The following TNFRSF19 variants were observed in gnomAD, a reference collection of about 807,000 sequenced individuals.
The protein encoded by TNFRSF19 is tumor necrosis factor receptor superfamily member 19.
Under a neutral mutation model 46.4 loss-of-function variants are expected in TNFRSF19, and 27 were observed. The ratio of observed to expected loss-of-function variants is 0.58; its 90% CI spans 0.43 to 0.80. The LOEUF (loss-of-function observed/expected upper bound fraction) is 0.80. TNFRSF19 is among the 30% of genes least tolerant of loss of function. The pLI is 0.00. For missense variants in TNFRSF19, 511 were observed against 530.8 expected (o/e 0.96, Z 0.37); for synonymous variants, 204 against 205.0 (o/e 1.00, Z 0.04).
chr13:23,626,716 G>C lies in TNFRSF19; in HGVS notation c.369G>C (p.Arg123Ser). Residue 123 changes from arginine to serine, a missense_variant, in exon 5 of 10, where the codon AGG becomes AGC. Coordinates refer to ENST00000248484, the MANE Select transcript of TNFRSF19 (RefSeq NM_148957.4). ...ICGDCLPGFY[R>S]KTKLVGFQDM... is the part of the protein sequence containing the mutation. ...TTCCTTTCTCTTCTAGATTTTATAG[G>C]AAGACGAAACTTGTCGGCTTTCAAG... The C allele has an allele frequency of 1.2e-6, 2 of 1,613,990 alleles. No homozygotes were observed. Among genetic ancestry groups the C allele is most frequent in the East Asian group, 4.5e-5 (2 of 44,900 alleles).
chr13:23,621,104 C>CAATTG, intron 4 of TNFRSF19, among the ~76,000 whole-genome samples: 1 of 152,122 alleles, frequency 6.6e-6, no homozygotes, highest in South Asian at 2.1e-4. Flanking sequence ...TGATGGGAAT[C>CAATTG]ACAGGGACTG....
At chr13:23,652,050 T>C (rs1207980006) in intron 5 of TNFRSF19, among the ~76,000 whole-genome samples, 2 of 152,166 alleles carry the variant, frequency 1.3e-5, no homozygotes, top group South Asian at 4.1e-4. Context: ...CACAGGGTTA[T>C]TACAGCGCCC....
chr13:23,600,613 C>T (rs1218741071), intron 3 of TNFRSF19, among the ~76,000 whole-genome samples: 1 of 152,160 alleles, frequency 6.6e-6, no homozygotes, highest in Admixed American at 6.5e-5. Context: ...TTTTTCTTAA[C>T]AAGGACTGCC....
rs528827186 is a variant in TNFRSF19, at chr13:23,674,154, A to C, written c.*774A>C. 6.6e-6 allele frequency: 1 copy of C among 152,354 alleles called. No homozygotes were observed. The highest frequency in any genetic ancestry group is 1.9e-4 in the East Asian group (1 of 5,194). The allele number at this position is 152,354 out of a possible 1,614,324, so 9.4% of individuals were successfully genotyped here. A position where few individuals can be genotyped will look rare whatever the true frequency, so the allele number is the denominator to read the frequency against. On this transcript the variant is annotated 3_prime_UTR_variant, in exon 10 of 10. Transcript: ENST00000248484. ...ACACATATTGTAGAGACTTGTATGCAAAGGTTGGCATATTTATATGAAAAT... is the reference window on the plus strand; with the variant it reads ...ACACATATTGTAGAGACTTGTATGCCAAGGTTGGCATATTTATATGAAAAT...
At chr13:23,578,988 T>C (rs1196909083) in intron 1 of TNFRSF19, among the ~76,000 whole-genome samples, 1 of 152,234 alleles carries the variant, frequency 6.6e-6, no homozygotes, top group Non-Finnish European at 1.5e-5. Context: ...AGCGCAGACC[T>C]GGCCGCCGTA....
chr13:23,589,709 A>AG (rs1434086122), intron 1 of TNFRSF19, among the ~76,000 whole-genome samples: 1 of 152,242 alleles, frequency 6.6e-6, no homozygotes, highest in Non-Finnish European at 1.5e-5. Flanking sequence ...GGATTAAGTG[A>AG]GTTAGCATGC....
intron 5 of TNFRSF19, among the ~76,000 whole-genome samples, chr13:23,640,411 T>C (rs1051944455): frequency 1.2e-4 from 19 of 152,338 alleles, no homozygotes; most frequent in African/African-American, 4.3e-4. Context: ...AAGTAAGTGC[T>C]ACTACAGCCT....
chr13:23,580,454 C>T (rs1878331771), intron 1 of TNFRSF19, among the ~76,000 whole-genome samples: 1 of 152,152 alleles, frequency 6.6e-6, no homozygotes, highest in South Asian at 2.1e-4. Context: ...TTAAACATAC[C>T]TCATGCAAAC....
chr13:23,636,565 A>G (rs558635919), intron 5 of TNFRSF19, among the ~76,000 whole-genome samples: 1 of 152,250 alleles, frequency 6.6e-6, no homozygotes, highest in South Asian at 2.1e-4. Flanking sequence ...GTTCTCAGGG[A>G]GTTAAGATTC....
chr13:23,579,128 G>A lies in TNFRSF19; in HGVS notation c.-35+8280G>A, dbSNP rs891314244. ...CACAGCCATGTTCTTGGTGGTCTCC[G>A]GTCCCCCATCCCCAAGCCCCCAGTC... is the stretch of plus-strand genomic sequence containing the variant. On this transcript the variant is annotated intron_variant, in intron 1 of 9. Transcript: ENST00000248484. Among the ~76,000 whole-genome samples the A allele has an allele frequency of 5.3e-5, 8 of 152,228 alleles. No homozygotes were observed. The East Asian group carries it at 1.2e-3, about 22-fold the overall frequency.
intron 4 of TNFRSF19, among the ~76,000 whole-genome samples, chr13:23,624,721 A>C (rs1441410359): frequency 6.6e-6 from 1 of 152,098 alleles, no homozygotes; most frequent in Non-Finnish European, 1.5e-5. Context: ...ATATACTCCC[A>C]AAATTTTTTC....
At chr13:23,595,715 A>G (rs950301097) in intron 3 of TNFRSF19, among the ~76,000 whole-genome samples, 1 of 152,190 alleles carries the variant, frequency 6.6e-6, no homozygotes, top group African/African-American at 2.4e-5. Context: ...AACTTTCCCA[A>G]CCTAGCAAGA....
intron 3 of TNFRSF19, among the ~76,000 whole-genome samples, chr13:23,595,807 T>C (rs1159882742): frequency 1.3e-5 from 2 of 151,978 alleles, no homozygotes; most frequent in East Asian, 3.9e-4. Flanking sequence ...ACACATAATC[T>C]TCAGATTCAC....
chr13:23,633,894 A>G (rs936942464), intron 5 of TNFRSF19, among the ~76,000 whole-genome samples: 7 of 152,150 alleles, frequency 4.6e-5, no homozygotes, highest in African/African-American at 1.7e-4. Context: ...AAAACAAGAA[A>G]CAATAGCTGA....
intron 5 of TNFRSF19, among the ~76,000 whole-genome samples, chr13:23,640,343 T>C (rs965676964): frequency 2.6e-5 from 4 of 152,234 alleles, no homozygotes; most frequent in Non-Finnish European, 4.4e-5. Context: ...GCTGTGTTGA[T>C]GAGAATCATT....
In TNFRSF19 at chr13:23,602,756, A is replaced by ATAACACATGG. The variant is rs1593247295; in HGVS notation, c.180+9302_180+9311dup. Among the ~76,000 whole-genome samples the ATAACACATGG allele has an allele frequency of 2.6e-5, 4 of 152,262 alleles. No homozygotes were observed. The East Asian group carries it at 7.7e-4, about 29-fold the overall frequency. On this transcript the variant is annotated intron_variant, in intron 3 of 9. Transcript: ENST00000248484. ...TTGGAGATTAAGAACACACTTCTAA[A>ATAACACATGG]TAACACATGGGTCAAAGAGGATATT...
chr13:23,630,457 C>T (rs936727855), intron 5 of TNFRSF19, among the ~76,000 whole-genome samples: 1 of 152,108 alleles, frequency 6.6e-6, no homozygotes, highest in Non-Finnish European at 1.5e-5. Context: ...GAGCTGTATG[C>T]CCCGCCTCCC....
chr13:23,622,901 G>T (rs1881763104), intron 4 of TNFRSF19, among the ~76,000 whole-genome samples: 1 of 152,024 alleles, frequency 6.6e-6, no homozygotes, highest in African/African-American at 2.4e-5. Flanking sequence ...AAAGAAGAAA[G>T]CTCCTTTATA....
At chr13:23,637,446 C>T (rs1422582501) in intron 5 of TNFRSF19, among the ~76,000 whole-genome samples, 2 of 150,612 alleles carry the variant, frequency 1.3e-5, no homozygotes, top group African/African-American at 2.4e-5. Flanking sequence ...CCTGAATCGA[C>T]TTCCTGTTCC....
Sources: allele counts gnomAD v4.1 joint callset (sites outside exome capture counted in the v4.1 genomes callset), GRCh38; gene constraint gnomAD v4.1.1; transcripts MANE v1.5; gene names NCBI Gene and HGNC (gene_info 2026-07-23, HGNC 2026-07-21).